MXRA7: variants seen among roughly 807,000 people sequenced by gnomAD.
MXRA7 encodes the protein matrix remodeling associated 7, also known as matrix-remodeling-associated protein 7.
A neutral mutation model predicts 17.4 loss-of-function variants in MXRA7; 18 were observed. The observed-to-expected ratio is 1.03, with a 90% CI of 0.71 to 1.53. The LOEUF is 1.53. Among genes scored for constraint, MXRA7 ranks in the 40% most tolerant of loss-of-function variants. The pLI, the probability that MXRA7 is intolerant of heterozygous loss-of-function variation, is 0.00. For missense variants in MXRA7, 141 were observed against 209.3 expected (o/e 0.67, Z 2.01); for synonymous variants, 70 against 101.7 (o/e 0.69, Z 1.87).
At chr17:76,683,884 A>G in intron 3 of MXRA7, 2 of 1,614,152 alleles carry the variant, frequency 1.2e-6, no homozygotes, top group Non-Finnish European at 1.7e-6. Flanking sequence ...CTCAGGACCT[A>G]AGGAACTTGC....
chr17:76,672,975 C>T (rs2076213519), exon 4 of MXRA7: 1 of 152,158 alleles, frequency 6.6e-6, no homozygotes, highest in East Asian at 1.9e-4. Flanking sequence ...CCCGGAAAGG[C>T]ATGTTTGGCT....
downstream of MXRA7, chr17:76,675,793 A>G (rs549590932): frequency 1.4e-4 from 22 of 152,308 alleles, no homozygotes; most frequent in African/African-American, 5.3e-4. Flanking sequence ...CAAGAAACAA[A>G]AGGAATCAGA....
At position 76,710,596 on chromosome 17, in the gene MXRA7, G is replaced by T. The variant is rs1044640416; in HGVS notation, c.342+9C>A. 1.7e-4 allele frequency: 232 copies of T among 1,350,366 alleles called. No homozygotes were observed. Among genetic ancestry groups the T allele is most frequent in the Non-Finnish European group, 2.2e-4 (227 of 1,047,232 alleles). 83.6% of individuals were successfully genotyped at this position (1,350,366 alleles called of 1,614,324 possible). A position where few individuals can be genotyped will look rare whatever the true frequency, so the allele number is the denominator to read the frequency against. On this transcript the variant is annotated intron_variant, in intron 1 of 3. Coordinates refer to ENST00000449428, the MANE Select transcript of MXRA7 (RefSeq NM_198530.4). ...GTGGGGAGGGGGCCGCGAGGGCCCC[G>T]GTGCGTACCTGCCTCGCCTCCACCG...
intron 1 of MXRA7, among the ~76,000 whole-genome samples, chr17:76,696,024 G>A (rs990583911): frequency 1.1e-4 from 16 of 152,074 alleles, no homozygotes; most frequent in Admixed American, 9.2e-4. Context: ...GAACCCAGGA[G>A]GCGGAGGTTG....
chr17:76,700,475 G>A (rs182950328), intron 1 of MXRA7, among the ~76,000 whole-genome samples: 1 of 152,330 alleles, frequency 6.6e-6, no homozygotes, highest in Non-Finnish European at 1.5e-5. Flanking sequence ...AAGAACTGCA[G>A]GCGGCTGTGC....
chr17:76,688,602 G>A, intron 1 of MXRA7: 1 of 1,253,302 alleles, frequency 8.0e-7, no homozygotes, highest in Non-Finnish European at 1.0e-6. Flanking sequence ...CTCTGGCTTT[G>A]CTTCCTTCTA....
rs756343706 is a variant in MXRA7 at position 76,680,745 on chromosome 17, T to G, written c.*122A>C. ...TTGAGGGTCTAGAGCTCAGCAGATT[T>G]ATGGAGGCAGCATGCACCCTGGGAG... On this transcript the variant is annotated 3_prime_UTR_variant, in exon 4 of 4. Transcript: ENST00000449428. The G allele has an allele frequency of 4.7e-6, 7 of 1,497,496 alleles. No homozygotes were observed. Among genetic ancestry groups the G allele is most frequent in the Admixed American group, 2.5e-5 (1 of 39,926 alleles). 92.8% of individuals were successfully genotyped at this position (1,497,496 alleles called of 1,614,324 possible).
At chr17:76,705,966 T>C (rs983545378) in intron 1 of MXRA7, among the ~76,000 whole-genome samples, 1 of 151,902 alleles carries the variant, frequency 6.6e-6, no homozygotes, top group Non-Finnish European at 1.5e-5. Context: ...GAACAGAAAG[T>C]AGGACCACAC....
At chr17:76,697,874 G>GT (rs563920702) in intron 1 of MXRA7, among the ~76,000 whole-genome samples, 23 of 152,014 alleles carry the variant, frequency 1.5e-4, no homozygotes, top group Non-Finnish European at 2.9e-4. Context: ...GTGATGCAAA[G>GT]TGCTGAAGTC....
chr17:76,672,756 G>A (rs2076211975), exon 4 of MXRA7: 1 of 152,184 alleles, frequency 6.6e-6, no homozygotes, highest in African/African-American at 2.4e-5. Context: ...CTCCAGAGAT[G>A]ATGTATATTG....
At chr17:76,705,126 A>T (rs574539668) in intron 1 of MXRA7, among the ~76,000 whole-genome samples, 1 of 152,196 alleles carries the variant, frequency 6.6e-6, no homozygotes, top group Non-Finnish European at 1.5e-5. Context: ...CTCAAGACAT[A>T]TTCTTTAAAA....
At chr17:76,677,548 C>G, downstream of MXRA7, 2 of 1,397,008 alleles carry the variant, frequency 1.4e-6, no homozygotes, top group Non-Finnish European at 2.0e-6. Context: ...AGGGTGGGGA[C>G]AGCATCAGGC....
intron 1 of MXRA7, among the ~76,000 whole-genome samples, chr17:76,696,093 T>A (rs1372771725): frequency 6.6e-6 from 1 of 151,424 alleles, no homozygotes; most frequent in Non-Finnish European, 1.5e-5. Flanking sequence ...TGACTCTATC[T>A]CAAAAAGAAA....
At chr17:76,676,337 A>G (rs1276765147), downstream of MXRA7, 1 of 152,252 alleles carries the variant, frequency 6.6e-6, no homozygotes, top group Non-Finnish European at 1.5e-5. Context: ...AAGTACTCAA[A>G]TAAGTCTTGC....
chr17:76,680,669 G>A lies in MXRA7; in HGVS notation c.*198C>T. Reference sequence around the variant, plus strand: ...ACAGACATGAACATCTCTACACAGGGCAGGGCCAAAGGTGTTCCCAGGATC... The same window carrying A: ...ACAGACATGAACATCTCTACACAGGACAGGGCCAAAGGTGTTCCCAGGATC... On this transcript the variant is annotated 3_prime_UTR_variant, in exon 4 of 4. Transcript: ENST00000449428. 1 of 1,429,072 alleles carries A rather than the reference G, an allele frequency of 7.0e-7. No homozygotes were observed. Among genetic ancestry groups the A allele is most frequent in the Non-Finnish European group, 9.2e-7 (1 of 1,089,348 alleles). The allele number at this position is 1,429,072 out of a possible 1,614,324, so 88.5% of individuals were successfully genotyped here.
chr17:76,709,699 C>T (rs75348011), intron 1 of MXRA7: 4,890 of 152,706 alleles, frequency 0.032, 168 homozygotes, highest in East Asian at 0.13. Context: ...CAATCCGACT[C>T]GGAGACCCTG....
At chr17:76,690,074 A>G (rs1025615302) in intron 1 of MXRA7, 2 of 152,076 alleles carry the variant, frequency 1.3e-5, no homozygotes, top group Non-Finnish European at 2.9e-5. Context: ...ACATCAAGAT[A>G]AATCGAGGGA....
At chr17:76,684,239 C>T (rs2076354613) in intron 3 of MXRA7, among the ~76,000 whole-genome samples, 1 of 152,176 alleles carries the variant, frequency 6.6e-6, no homozygotes, top group African/African-American at 2.4e-5. Flanking sequence ...CTGCTCGGAC[C>T]CTAGACCGCT....
At chr17:76,689,916 C>G (rs975585078) in intron 1 of MXRA7, 2 of 150,938 alleles carry the variant, frequency 1.3e-5, no homozygotes, top group African/African-American at 4.9e-5. Context: ...GAGGTTGAGG[C>G]AGGAGAATCG....
Sources: allele counts gnomAD v4.1 joint callset (sites outside exome capture counted in the v4.1 genomes callset), GRCh38; gene constraint gnomAD v4.1.1; transcripts MANE v1.5; gene names NCBI Gene and HGNC (gene_info 2026-07-23, HGNC 2026-07-21).